DIAPH2: variants seen among roughly 807,000 people sequenced by gnomAD.
DIAPH2 encodes the protein protein diaphanous homolog 2.
DIAPH2 carries 35 observed loss-of-function variants against 92.7 expected under a neutral mutation model. The observed-to-expected ratio is 0.38, with a 90% CI of 0.29 to 0.50. The LOEUF is 0.50. Among genes scored for constraint, DIAPH2 ranks in the 20% least tolerant of loss-of-function variants. The pLI is 0.94. For synonymous variants in DIAPH2, 301 were observed against 280.4 expected (o/e 1.07, Z -0.73); for missense variants, 701 against 819.5 (o/e 0.86, Z 1.77).
chrX:97,028,476 GC>G (rs1033069707), intron 17 of DIAPH2, among the ~76,000 whole-genome samples: 2 of 111,433 alleles, frequency 1.8e-5, no homozygotes, highest in African/African-American at 6.5e-5. Context: ...TCAAACCCCT[GC>G]CCCTGTCAAT....
intron 23 of DIAPH2, among the ~76,000 whole-genome samples, chrX:97,266,872 C>G (rs1406082286): frequency 9.0e-6 from 1 of 111,501 alleles, no homozygotes. Context: ...TCAAAAATGA[C>G]ACGATAATTC....
chrX:97,311,028 A>G (rs2068789758), intron 23 of DIAPH2, among the ~76,000 whole-genome samples: 1 of 111,454 alleles, frequency 9.0e-6, no homozygotes, highest in African/African-American at 3.3e-5. Flanking sequence ...AAAAAAGAAA[A>G]AATTAGAAAA....
chrX:97,023,988 G>T (rs1412690095), intron 17 of DIAPH2, among the ~76,000 whole-genome samples: 3 of 111,804 alleles, frequency 2.7e-5, no homozygotes, highest in Admixed American at 9.5e-5. Flanking sequence ...AAATATGTAA[G>T]TACATAGTTC....
intron 4 of DIAPH2, among the ~76,000 whole-genome samples, chrX:96,812,405 C>A (rs150958423): frequency 9.0e-5 from 10 of 111,642 alleles, no homozygotes; most frequent in Admixed American, 7.6e-4. Flanking sequence ...TTCAATTCTT[C>A]TCTCTTTTCT....
intron 1 of DIAPH2, among the ~76,000 whole-genome samples, chrX:96,714,623 G>T (rs887928674): frequency 2.7e-5 from 3 of 111,941 alleles, no homozygotes; most frequent in African/African-American, 3.2e-5. Flanking sequence ...TGAAAGCATG[G>T]ATCATGTTTC....
intron 15 of DIAPH2, among the ~76,000 whole-genome samples, chrX:96,955,002 T>C (rs2147814912): frequency 8.9e-6 from 1 of 112,937 alleles, no homozygotes; most frequent in African/African-American, 3.2e-5. Context: ...GTACATATAT[T>C]TATAAAGAAA....
rs2069874110 is a variant in DIAPH2, at chrX:97,411,588, A to T, written c.3146-18062A>T. ...AAATGCAAATAGGCTAAATGCCCCA[A>T]TTAAAAGACACAGACTGGCAAGTTG... On this transcript the variant is annotated intron_variant, in intron 25 of 26. Transcript: ENST00000324765. Among the ~76,000 whole-genome samples, 4 of 112,135 alleles carry T rather than the reference A, an allele frequency of 3.6e-5. No individual in the cohort carries two copies. The Admixed American group carries it at 3.8e-4, about 11-fold the overall frequency.
chrX:97,376,693 T>C (rs1282990464), intron 24 of DIAPH2, among the ~76,000 whole-genome samples: 1 of 112,355 alleles, frequency 8.9e-6, no homozygotes, highest in African/African-American at 3.2e-5. Context: ...GGTACAATCA[T>C]GTGTTGCTTA....
chrX:96,836,303 T>C (rs2064886267), intron 4 of DIAPH2, among the ~76,000 whole-genome samples: 1 of 109,845 alleles, frequency 9.1e-6, no homozygotes, highest in Non-Finnish European at 1.9e-5. Flanking sequence ...TATAGGATTA[T>C]ATAATCTAAT....
Position 97,537,881 on chromosome X carries a change from A to G in DIAPH2, c.3242-61372A>G, listed in dbSNP as rs184863373. ...CAGATACACTACTTAAGCTAAGACT[A>G]AATTCTTTTTTTTTTTTTTTTTTGA... On this transcript the variant is annotated intron_variant, in intron 26 of 26. Transcript: ENST00000324765. Among the ~76,000 whole-genome samples, 121 of 106,849 alleles carry G rather than the reference A, an allele frequency of 1.1e-3. 1 individual carries two copies. Among genetic ancestry groups the G allele is most frequent in the Admixed American group, 4.1e-3 (41 of 9,920 alleles). The allele number at this position is 106,849 out of a possible 115,157, so 92.8% of individuals were successfully genotyped here.
chrX:97,404,712 A>T (rs1236312468), intron 25 of DIAPH2, among the ~76,000 whole-genome samples: 1 of 111,977 alleles, frequency 8.9e-6, no homozygotes, highest in Non-Finnish European at 1.9e-5. Context: ...TTCTTTTATC[A>T]AAAGGAAAAA....
At chrX:96,926,483 T>C (rs2065582645) in intron 9 of DIAPH2, among the ~76,000 whole-genome samples, 1 of 111,644 alleles carries the variant, frequency 9.0e-6, no homozygotes, top group Non-Finnish European at 1.9e-5. Flanking sequence ...TCATCTGTTT[T>C]ATAATATTTC....
intron 3 of DIAPH2, among the ~76,000 whole-genome samples, chrX:96,755,000 G>A (rs1265157585): frequency 9.6e-6 from 1 of 104,514 alleles, no homozygotes; most frequent in South Asian, 4.5e-4. Context: ...CACATTATGA[G>A]TGCTATCCAA....
intron 9 of DIAPH2, among the ~76,000 whole-genome samples, chrX:96,921,641 T>A (rs1304991958): frequency 9.1e-6 from 1 of 110,256 alleles, no homozygotes; most frequent in East Asian, 2.8e-4. Flanking sequence ...TCCTTGAAAA[T>A]TTTACTTCCC....
intron 12 of DIAPH2, among the ~76,000 whole-genome samples, chrX:96,939,778 C>T (rs1318406981): frequency 1.3e-5 from 1 of 77,662 alleles, no homozygotes; most frequent in Non-Finnish European, 2.4e-5. Flanking sequence ...CATTCTCCTG[C>T]CTCAGCCTCC....
intron 1 of DIAPH2, among the ~76,000 whole-genome samples, chrX:96,721,621 A>C (rs1228003344): frequency 1.8e-5 from 2 of 112,135 alleles, no homozygotes; most frequent in Admixed American, 1.9e-4. Flanking sequence ...TGTCAGGTCA[A>C]ACAGTTTCAG....
chrX:97,091,287 T>C (rs1388238477), intron 19 of DIAPH2, among the ~76,000 whole-genome samples: 1 of 111,505 alleles, frequency 9.0e-6, no homozygotes, highest in Non-Finnish European at 1.9e-5. Flanking sequence ...TTTTAATTTA[T>C]TATAATTATT....
intron 23 of DIAPH2, among the ~76,000 whole-genome samples, chrX:97,275,833 A>T (rs1778205961): frequency 9.1e-6 from 1 of 110,487 alleles, no homozygotes; most frequent in Admixed American, 9.5e-5. Flanking sequence ...ATCTCAGATG[A>T]TGGGCGGCCA....
chrX:97,039,893 G>A (rs145000868), intron 17 of DIAPH2, among the ~76,000 whole-genome samples: 145 of 111,695 alleles, frequency 1.3e-3, no homozygotes, highest in Non-Finnish European at 2.3e-3. Context: ...CCATGTAGAT[G>A]AGTCAAATCC....
Sources: gnomAD v4.1 joint callset for allele counts (sites outside exome capture counted in the v4.1 genomes callset) on GRCh38, gnomAD v4.1.1 for gene constraint, MANE v1.5 for transcripts, NCBI Gene and HGNC (gene_info 2026-07-23, HGNC 2026-07-21) for gene names.